ARID1A: variants seen among roughly 807,000 people sequenced by gnomAD.
ARID1A encodes AT-rich interaction domain 1A, also known as AT-rich interactive domain-containing protein 1A.
ARID1A carries 20 observed loss-of-function variants against 212.6 expected under a neutral mutation model. The observed-to-expected ratio is 0.09, with a 90% CI of 0.07 to 0.14. The LOEUF (loss-of-function observed/expected upper bound fraction) is 0.14, where lower values mean the gene tolerates loss of function less well. ARID1A is among the 10% of genes least tolerant of loss of function. The pLI is 1.00. For synonymous variants in ARID1A, 1,376 were observed against 1,222.1 expected (o/e 1.13, Z -2.63); for missense variants, 2,587 against 3,059.0 (o/e 0.85, Z 3.64).
chr1:26,771,094 C>T lies in ARID1A; in HGVS notation c.3199-25C>T, dbSNP rs375583580. ...GGAAAACCAGGCGGGAGATATACCT[C>T]GACTCCTTTGGTTTGGTTATACAGG... On this transcript the variant is annotated intron_variant, in intron 11 of 19. Transcript: ENST00000324856. The surrounding 1 kb of genome is among the most constrained non-coding windows in gnomAD (Gnocchi z 5.4). The T allele has an allele frequency of 7.2e-4, 1,167 of 1,611,850 alleles. No individual in the cohort carries two copies. Among genetic ancestry groups the T allele is most frequent in the Non-Finnish European group, 8.8e-4 (1,032 of 1,178,000 alleles).
intron 1 of ARID1A, among the ~76,000 whole-genome samples, chr1:26,705,247 C>T (rs1476971824): frequency 6.6e-6 from 1 of 152,016 alleles, no homozygotes; most frequent in Non-Finnish European, 1.5e-5. Context: ...AAGCGATTCT[C>T]ATGCCTCAGC....
chr1:26,698,013 C>G (rs1330955510), intron 1 of ARID1A, among the ~76,000 whole-genome samples: 2 of 151,982 alleles, frequency 1.3e-5, no homozygotes, highest in Non-Finnish European at 2.9e-5. Flanking sequence ...GCCCCTAGAG[C>G]TCGAGGGGAC....
chr1:26,711,573 C>A (rs1282098885), intron 1 of ARID1A, among the ~76,000 whole-genome samples: 1 of 152,202 alleles, frequency 6.6e-6, no homozygotes, highest in Non-Finnish European at 1.5e-5. Flanking sequence ...GTTTCATAAA[C>A]ATTCAGCCAG....
chr1:26,718,632 T>C (rs1243196256), intron 1 of ARID1A, among the ~76,000 whole-genome samples: 2 of 152,194 alleles, frequency 1.3e-5, no homozygotes, highest in African/African-American at 4.8e-5. Flanking sequence ...AAATCATCTC[T>C]AGATTACTTA....
At chr1:26,708,312 T>C (rs1352154508) in intron 1 of ARID1A, among the ~76,000 whole-genome samples, 1 of 116,118 alleles carries the variant, frequency 8.6e-6, no homozygotes, top group Non-Finnish European at 1.7e-5. Context: ...TGAGACGGAG[T>C]CTTGCACTGT....
rs1162241813 is a variant in ARID1A at position 26,781,375 on chromosome 1, A to AAT, written c.*621_*622dup. 4.3e-6 allele frequency: 1 copy of AAT among 233,520 alleles called. No homozygotes were observed. The highest frequency in any genetic ancestry group is 8.5e-6 in the Non-Finnish European group (1 of 118,050). 14.5% of individuals were successfully genotyped at this position (233,520 alleles called of 1,614,324 possible). On this transcript the variant is annotated 3_prime_UTR_variant, in exon 20 of 20. Transcript: ENST00000324856. ...CCTGATACTGTAAACATACTGTAAT[A>AAT]ATAATGTCTCACATGGAAACAGAAA...
chr1:26,715,334 C>T (rs1025459059), intron 1 of ARID1A, among the ~76,000 whole-genome samples: 5 of 152,140 alleles, frequency 3.3e-5, no homozygotes, highest in Middle Eastern at 3.4e-3. Flanking sequence ...TTACTCTTGC[C>T]CCTCCATGTA....
chr1:26,699,650 C>T (rs2080313218), intron 1 of ARID1A, among the ~76,000 whole-genome samples: 1 of 152,184 alleles, frequency 6.6e-6, no homozygotes, highest in Middle Eastern at 3.2e-3. Flanking sequence ...TCTTAAAAGA[C>T]AGCATCCTCT....
At chr1:26,760,804 A>T (rs2124053131) in intron 4 of ARID1A, 52 bp from the exon 5 acceptor site, 1 of 1,543,290 alleles carries the variant, frequency 6.5e-7, no homozygotes, top group Non-Finnish European at 8.8e-7. Flanking sequence ...TATTGAAAGT[A>T]GAATCTTTCT....
At chr1:26,716,298 C>T (rs990646031) in intron 1 of ARID1A, among the ~76,000 whole-genome samples, 2 of 151,932 alleles carry the variant, frequency 1.3e-5, no homozygotes, top group African/African-American at 4.8e-5. Flanking sequence ...TGAGCTTCTA[C>T]AGTGAATCAG....
chr1:26,752,648 G>A (rs1011405415), intron 4 of ARID1A, among the ~76,000 whole-genome samples: 5 of 152,184 alleles, frequency 3.3e-5, no homozygotes, highest in Non-Finnish European at 5.9e-5. Flanking sequence ...CATGGGTTAT[G>A]TTTCCCAGTC....
intron 1 of ARID1A, among the ~76,000 whole-genome samples, chr1:26,703,884 T>C (rs2080362494): frequency 6.6e-6 from 1 of 152,216 alleles, no homozygotes; most frequent in African/African-American, 2.4e-5. Context: ...TCTGGAAAAC[T>C]TGAAAAGCAA....
intron 1 of ARID1A, among the ~76,000 whole-genome samples, chr1:26,715,746 G>A (rs1055017798): frequency 2.6e-5 from 4 of 152,046 alleles, no homozygotes; most frequent in African/African-American, 9.7e-5. Flanking sequence ...AGTGGCACAC[G>A]CCTATAATCT....
At chr1:26,719,679 G>C (rs34517168) in intron 1 of ARID1A, among the ~76,000 whole-genome samples, 9,010 of 151,100 alleles carry the variant, frequency 0.06, 326 homozygotes, top group Non-Finnish European at 0.08. Flanking sequence ...AGTGGCTCAC[G>C]CCTGTAATCC....
intron 1 of ARID1A, among the ~76,000 whole-genome samples, chr1:26,706,498 C>T (rs1008885727): frequency 1.3e-4 from 20 of 152,320 alleles, no homozygotes; most frequent in Middle Eastern, 3.4e-3. Context: ...GAGGTCACAA[C>T]GTGCTTGCCG....
chr1:26,759,488 A>G (rs1336596471), intron 4 of ARID1A, among the ~76,000 whole-genome samples: 2 of 152,140 alleles, frequency 1.3e-5, no homozygotes, highest in East Asian at 3.9e-4. Context: ...GACTACAGGC[A>G]TGAGCCACTG....
intron 1 of ARID1A, among the ~76,000 whole-genome samples, chr1:26,710,423 C>G (rs1445027989): frequency 7.0e-6 from 1 of 142,656 alleles, no homozygotes; most frequent in Non-Finnish European, 1.6e-5. Context: ...TTGCAGTGAG[C>G]CGAGATCACA....
chr1:26,728,901 A>C (rs1003977785), intron 1 of ARID1A: 7 of 152,142 alleles, frequency 4.6e-5, no homozygotes, highest in Non-Finnish European at 7.3e-5. Context: ...TGTTGCATCA[A>C]ATACCTGTGA....
chr1:26,723,628 C>G (rs1354692011), intron 1 of ARID1A, among the ~76,000 whole-genome samples: 1 of 152,028 alleles, frequency 6.6e-6, no homozygotes, highest in African/African-American at 2.4e-5. Flanking sequence ...GGCGGTGTGG[C>G]TTCGAGTTTA....
Sources: allele counts gnomAD v4.1 joint callset (sites outside exome capture counted in the v4.1 genomes callset), GRCh38; gene constraint gnomAD v4.1.1; non-coding constraint Gnocchi (gnomAD v3.1); transcripts MANE v1.5; gene names NCBI Gene and HGNC (gene_info 2026-07-23, HGNC 2026-07-21).